MTA3: variants seen among roughly 807,000 people sequenced by gnomAD.
MTA3 encodes metastasis-associated protein MTA3.
Under a neutral mutation model 83.5 loss-of-function variants are expected in MTA3, and 34 were observed. That is an observed-to-expected ratio of 0.41 (90% CI 0.31 to 0.54). MTA3 has a LOEUF of 0.54. Among genes scored for constraint, MTA3 ranks in the 20% least tolerant of loss-of-function variants. The probability of loss-of-function intolerance (pLI) is 0.33; values close to 1 mark genes in which losing one functional copy is unlikely to be tolerated. For synonymous variants in MTA3, 303 were observed against 252.7 expected (o/e 1.20, Z -1.89); for missense variants, 761 against 726.4 (o/e 1.05, Z -0.55).
intron 2 of MTA3, among the ~76,000 whole-genome samples, chr2:42,574,244 C>T (rs950940276): frequency 6.6e-6 from 1 of 151,082 alleles, no homozygotes; most frequent in African/African-American, 2.4e-5. Context: ...AAGCGATTCT[C>T]CTGCCTCAGC....
intron 2 of MTA3, among the ~76,000 whole-genome samples, chr2:42,553,737 A>G (rs1371664605): frequency 1.4e-5 from 2 of 147,832 alleles, no homozygotes; most frequent in African/African-American, 5.0e-5. Context: ...CTCCATCTCA[A>G]AAAAAAAAAA....
At chr2:42,693,853 C>A (rs1481696665) in intron 9 of MTA3, among the ~76,000 whole-genome samples, 1 of 152,120 alleles carries the variant, frequency 6.6e-6, no homozygotes, top group Non-Finnish European at 1.5e-5. Context: ...TGGGAATGTG[C>A]TTGGGAATGT....
At chr2:42,728,333 T>C (rs1212671927) in intron 16 of MTA3, among the ~76,000 whole-genome samples, 1 of 152,218 alleles carries the variant, frequency 6.6e-6, no homozygotes, top group Non-Finnish European at 1.5e-5. Flanking sequence ...CTTTATCAAC[T>C]TGTCTGTTGA....
intron 3 of MTA3, among the ~76,000 whole-genome samples, chr2:42,604,040 C>T (rs1682926028): frequency 1.3e-5 from 2 of 152,240 alleles, no homozygotes; most frequent in South Asian, 4.1e-4. Context: ...TGAGCCACCG[C>T]ACCCAGCTCT....
chr2:42,682,290 A>G, intron 8 of MTA3, 111 bp from the exon 9 acceptor site: 1 of 732,954 alleles, frequency 1.4e-6, no homozygotes, highest in Non-Finnish European at 2.0e-6. Flanking sequence ...TTAAAAAATA[A>G]ATAAGTATAT....
At chr2:42,546,456 G>A (rs185223572) in intron 2 of MTA3, among the ~76,000 whole-genome samples, 22 of 152,080 alleles carry the variant, frequency 1.4e-4, no homozygotes, top group Admixed American at 7.9e-4. Flanking sequence ...CAAATCCAGG[G>A]GTGGTCATCC....
intron 8 of MTA3, among the ~76,000 whole-genome samples, chr2:42,661,468 T>G (rs989438754): frequency 7.5e-6 from 1 of 133,580 alleles, no homozygotes; most frequent in African/African-American, 2.9e-5. Flanking sequence ...CTCATGCCAC[T>G]TGCCCTCTAG....
At chr2:42,718,484 G>C (rs1236590873) in intron 14 of MTA3, among the ~76,000 whole-genome samples, 2 of 151,700 alleles carry the variant, frequency 1.3e-5, no homozygotes, top group Non-Finnish European at 2.9e-5. Context: ...GGCCTCAGGT[G>C]ATCTACCCTC....
intron 4 of MTA3, among the ~76,000 whole-genome samples, chr2:42,617,243 A>G (rs1292687083): frequency 6.6e-6 from 1 of 152,184 alleles, no homozygotes; most frequent in East Asian, 1.9e-4. Flanking sequence ...AAGATCAGTC[A>G]AATTGCAATG....
rs193124100 is a variant in MTA3 at position 42,624,558 on chromosome 2, C to T, written c.317+14974C>T. 6.9e-4 allele frequency among the ~76,000 whole-genome samples: 105 copies of T among 152,078 alleles called. 1 individual carries two copies. Among genetic ancestry groups the T allele is most frequent in the African/African-American group, 2.4e-3 (101 of 41,474 alleles). On this transcript the variant is annotated intron_variant, in intron 4 of 16. Transcript: ENST00000405094. ...GGCCAGGCTGGTCTTGAACTGCTGACGTTGTGATCCACCTGCCTCGGCCTC... is the reference window on the plus strand; with the variant it reads ...GGCCAGGCTGGTCTTGAACTGCTGATGTTGTGATCCACCTGCCTCGGCCTC...
intron 2 of MTA3, among the ~76,000 whole-genome samples, chr2:42,526,991 T>C (rs909681135): frequency 2.9e-5 from 4 of 139,654 alleles, no homozygotes; most frequent in African/African-American, 1.1e-4. Context: ...GAGGGAGAGG[T>C]TGCAGTGAGC....
At chr2:42,505,001 C>T (rs527425956) in intron 2 of MTA3, among the ~76,000 whole-genome samples, 5 of 152,206 alleles carry the variant, frequency 3.3e-5, no homozygotes, top group African/African-American at 1.2e-4. Flanking sequence ...TTGCTCTGTA[C>T]GATGGCTAAG....
intron 8 of MTA3, among the ~76,000 whole-genome samples, chr2:42,667,727 T>A (rs1690413144): frequency 2.0e-5 from 3 of 151,824 alleles, no homozygotes; most frequent in Non-Finnish European, 4.4e-5. Context: ...CTCAAACTCC[T>A]GGGCTCAAGT....
At chr2:42,651,939 C>G (rs1236990864) in intron 6 of MTA3, among the ~76,000 whole-genome samples, 1 of 150,584 alleles carries the variant, frequency 6.6e-6, no homozygotes, top group Non-Finnish European at 1.5e-5. Flanking sequence ...ACTAAAAATA[C>G]AAAAAAATTA....
chr2:42,570,237 A>T (rs539031341), intron 1 of MTA3, among the ~76,000 whole-genome samples, 200 bp from the exon 2 acceptor site: 1 of 152,322 alleles, frequency 6.6e-6, no homozygotes, highest in East Asian at 1.9e-4. Context: ...AATTGAAATG[A>T]AAATGCCAAG....
At chr2:42,721,764 C>G (rs1304473212) in intron 15 of MTA3, among the ~76,000 whole-genome samples, 2 of 152,048 alleles carry the variant, frequency 1.3e-5, no homozygotes, top group Non-Finnish European at 2.9e-5. Flanking sequence ...CTCATAAGGC[C>G]AAGACAACCA....
chr2:42,753,272 C>T (rs1670017408), intron 16 of MTA3, 102 bp from the exon 17 acceptor site: 3 of 1,535,946 alleles, frequency 2.0e-6, no homozygotes, highest in South Asian at 1.2e-5. Context: ...CCTCCTTTCC[C>T]TGAAGGTTGT....
At chr2:42,698,126 A>C (rs1420019815) in intron 11 of MTA3, among the ~76,000 whole-genome samples, 1 of 152,212 alleles carries the variant, frequency 6.6e-6, no homozygotes, top group African/African-American at 2.4e-5. Context: ...ATTTGAAGCA[A>C]ATGTGTTTCA....
Position 42,753,799 on chromosome 2 carries a change from T to C in MTA3, c.*400T>C, listed in dbSNP as rs1670057173. On this transcript the variant is annotated 3_prime_UTR_variant, in exon 17 of 17. Transcript: ENST00000405094. ...CATGTGTCCGCTCAGCTCGGTCTTA[T>C]GCTGTATAGTTACTAAATATGTACA... 3.9e-6 allele frequency: 4 copies of C among 1,037,260 alleles called. No homozygotes were observed. The highest frequency in any genetic ancestry group is 1.7e-5 in the African/African-American group (1 of 59,004). The allele number at this position is 1,037,260 out of a possible 1,614,324, so 64.3% of individuals were successfully genotyped here.
Sources: allele counts gnomAD v4.1 joint callset (sites outside exome capture counted in the v4.1 genomes callset), GRCh38; gene constraint gnomAD v4.1.1; transcripts MANE v1.5; gene names NCBI Gene and HGNC (gene_info 2026-07-23, HGNC 2026-07-21).